Variants in INCENP observed in about 807,000 individuals in gnomAD.
INCENP encodes the protein binds and activates aurora-B and -C in vivo and in vitro.
INCENP carries 43 observed loss-of-function variants against 107.3 expected under a neutral mutation model. That is an observed-to-expected ratio of 0.40 (90% CI 0.31 to 0.52). The LOEUF (loss-of-function observed/expected upper bound fraction) is 0.52. INCENP is among the 20% of genes least tolerant of loss of function. INCENP has a pLI of 0.53. For missense variants in INCENP, 1,089 were observed against 1,250.9 expected, an observed-to-expected ratio of 0.87 and a Z score of 1.95; for synonymous variants, 488 against 494.4, an observed-to-expected ratio of 0.99 and a Z score of 0.17.
chr11:62,140,618 G>T, intron 8 of INCENP, 86 bp from the exon 9 acceptor site: 1 of 1,163,614 alleles, frequency 8.6e-7, no homozygotes, highest in South Asian at 1.3e-5. Context: ...GCCTGGGCCC[G>T]GTATTGTTCA....
intron 6 of INCENP, 55 bp from the exon 7 acceptor site, chr11:62,138,833 A>C: frequency 2.5e-6 from 4 of 1,605,346 alleles, no homozygotes; most frequent in Non-Finnish European, 3.4e-6. Flanking sequence ...CACTACGGCC[A>C]TCCTGGGCCT....
At chr11:62,144,105 G>C (rs1373893361) in intron 11 of INCENP, among the ~76,000 whole-genome samples, 4 of 152,210 alleles carry the variant, frequency 2.6e-5, no homozygotes, top group Non-Finnish European at 5.9e-5. Flanking sequence ...GCCAAGGCAG[G>C]CGGATCCCTT....
rs1944084753 is a variant in INCENP, at chr11:62,140,240, A to G, written c.1298A>G (p.Lys433Arg). Residue 433 changes from lysine (K) to arginine (R), a missense_variant, in exon 8 of 19, where the codon AAG becomes AGG. Coordinates refer to ENST00000394818, the MANE Select transcript of INCENP (RefSeq NM_001040694.2). ...ETPSAGQQEAKTDQADGPREP... is the reference protein window; with the variant it reads ...ETPSAGQQEARTDQADGPREP... The stretch of plus-strand genomic sequence containing the variant: ...GAAATTGCTGTCTTCACAGAGGCCA[A>G]GACGGACCAAGCAGATGGACCCAGA... 3.7e-6 allele frequency: 6 copies of G among 1,613,664 alleles called. No individual in the cohort carries two copies. The highest frequency in any genetic ancestry group is 5.1e-6 in the Non-Finnish European group (6 of 1,179,862).
intron 11 of INCENP, chr11:62,141,806 T>C: frequency 1.9e-6 from 1 of 528,894 alleles, no homozygotes; most frequent in Non-Finnish European, 3.4e-6. Flanking sequence ...CCACCTTCCC[T>C]CCCTCCTCCC....
intron 11 of INCENP, among the ~76,000 whole-genome samples, chr11:62,142,543 T>C (rs1289034295): frequency 6.6e-6 from 1 of 152,248 alleles, no homozygotes; most frequent in Non-Finnish European, 1.5e-5. Flanking sequence ...ACCAGGGGGC[T>C]ACGGAGTCAT....
chr11:62,151,745 T>C lies in INCENP; in HGVS notation c.2543-17T>C, dbSNP rs1421142908. 1 of 1,610,442 alleles carries C rather than the reference T, an allele frequency of 6.2e-7. No homozygotes were observed. Among genetic ancestry groups the C allele is most frequent in the South Asian group, 1.1e-5 (1 of 90,972 alleles). ...TGGAGAGCCCCAAGGCAGTGTCTGG[T>C]CTGTGGTCTCCTGCAGGCACCCCGC... On this transcript the variant is annotated splice_polypyrimidine_tract_variant and intron_variant, in intron 18 of 18. Transcript: ENST00000394818.
chr11:62,128,819 A>G lies in INCENP; in HGVS notation c.190A>G (p.Asn64Asp). The G allele has an allele frequency of 6.2e-7, 1 of 1,614,192 alleles. No homozygotes were observed. The highest frequency in any genetic ancestry group is 2.2e-5 in the East Asian group (1 of 44,884). ...GATGCCCAAAACACCTTCTCAGAAG[A>G]ACCGACGGAAGAAGAGACGGATTTC... ...ELMPKTPSQK[N>D]RRKKRRISYV... Residue 64 changes from asparagine (N) to aspartate (D), a missense_variant, in exon 3 of 19, where the codon AAC becomes GAC. Asn to Asp is a conservative substitution (Grantham distance 23, BLOSUM62 1). Coordinates refer to ENST00000394818, the MANE Select transcript of INCENP (RefSeq NM_001040694.2).
chr11:62,127,612 T>TA (rs556388778), intron 1 of INCENP, among the ~76,000 whole-genome samples: 1,560 of 152,328 alleles, frequency 0.01, 13 homozygotes, highest in Non-Finnish European at 0.015. Flanking sequence ...ACTGGCCTCT[T>TA]AAAGAGGCAG....
intron 4 of INCENP, among the ~76,000 whole-genome samples, chr11:62,135,576 G>A (rs1250939507): frequency 6.6e-6 from 1 of 151,584 alleles, no homozygotes; most frequent in Non-Finnish European, 1.5e-5. Flanking sequence ...ACTTTGAATG[G>A]ATCTTTTAGA....
rs781044719 is a variant in INCENP at position 62,145,181 on chromosome 11, A to G, written c.1728A>G (p.Glu576=). 2.5e-6 allele frequency: 4 copies of G among 1,614,096 alleles called. No homozygotes were observed. Among genetic ancestry groups the G allele is most frequent in the African/African-American group, 2.7e-5 (2 of 75,060 alleles). The change falls in exon 13 of 19, where the codon GAA becomes GAG. Residue 576 remains glutamate (E), a synonymous_variant. Coordinates refer to ENST00000394818, the MANE Select transcript of INCENP (RefSeq NM_001040694.2). ...CTATGCCCCGCAGGAAGCGTGAGGA[A>G]CGCCTCCGCAAGGTGCTGCAGGCCC... The part of the protein sequence containing the change: ...RLEEVKLKRE[E]RLRKVLQARE...
At chr11:62,144,023 A>C (rs1251893406) in intron 11 of INCENP, among the ~76,000 whole-genome samples, 1 of 152,186 alleles carries the variant, frequency 6.6e-6, no homozygotes, top group Non-Finnish European at 1.5e-5. Flanking sequence ...GTACTTTTTT[A>C]AAGTTGCCTT....
intron 17 of INCENP, among the ~76,000 whole-genome samples, chr11:62,149,430 T>C (rs555625229): frequency 2.5e-4 from 38 of 152,340 alleles, no homozygotes; most frequent in African/African-American, 8.7e-4. Flanking sequence ...AATGTTTTCA[T>C]TGCAGCATTG....
Position 62,146,747 on chromosome 11 carries a change from G to A in INCENP, c.2049G>A (p.Arg683=), listed in dbSNP as rs372290264. The A allele has an allele frequency of 6.5e-7, 1 of 1,549,586 alleles. No homozygotes were observed. The highest frequency in any genetic ancestry group is 8.7e-7 in the Non-Finnish European group (1 of 1,146,470). ...ERLRKAAEAK[R]LAEQREQERR... is the part of the protein sequence containing the mutation. ...TGCGGAAGGCGGCCGAGGCTAAGCG[G>A]CTGGCAGAGCAGCGGGAGCAGGAGC... Residue 683 remains arginine (R), a synonymous_variant, in exon 15 of 19, where the codon CGG becomes CGA. Transcript: ENST00000394818.
intron 4 of INCENP, among the ~76,000 whole-genome samples, chr11:62,136,570 A>G (rs1041699380): frequency 6.6e-6 from 1 of 152,138 alleles, no homozygotes; most frequent in Non-Finnish European, 1.5e-5. Context: ...AATTCCAGCT[A>G]CTTGGGAGGC....
Position 62,141,522 on chromosome 11 carries a change from C to G in INCENP, c.1605+11C>G. 1.2e-6 allele frequency: 2 copies of G among 1,614,042 alleles called. No homozygotes were observed. The highest frequency in any genetic ancestry group is 1.7e-6 in the Non-Finnish European group (2 of 1,179,868). ...CAGTGCAGCTTCGTCGTAAGTAAAG[C>G]CTTTTCCTGTCGGTAACCTCGCCCC... is the stretch of plus-strand genomic sequence containing the variant. On this transcript the variant is annotated intron_variant, in intron 11 of 18. Coordinates refer to ENST00000394818, the MANE Select transcript of INCENP (RefSeq NM_001040694.2).
At chr11:62,140,123 C>G in intron 7 of INCENP, 111 bp from the exon 8 acceptor site, 1 of 877,716 alleles carries the variant, frequency 1.1e-6, no homozygotes, top group Non-Finnish European at 1.9e-6. Context: ...AGGAAGGGAG[C>G]CTTGCCCACT....
chr11:62,146,530 C>G, intron 14 of INCENP, 128 bp from the exon 15 acceptor site: 1 of 1,375,952 alleles, frequency 7.3e-7, no homozygotes, highest in Non-Finnish European at 9.7e-7. Context: ...TGTCCCACGG[C>G]GCCATTCCTG....
chr11:62,145,802 C>A, intron 14 of INCENP, 51 bp downstream of exon 14: 1 of 1,529,978 alleles, frequency 6.5e-7, no homozygotes, highest in Non-Finnish European at 8.8e-7. Context: ...TGGGCGCTGT[C>A]TCAGCACCAT....
Position 62,130,257 on chromosome 11 carries a change from A to T in INCENP, c.730A>T (p.Lys244Ter). The change falls in exon 4 of 19, where the codon AAG (lysine) becomes TAG (stop). Residue 244 changes from lysine (K) to a stop codon, truncating the protein, a stop_gained. Coordinates refer to ENST00000394818, the MANE Select transcript of INCENP (RefSeq NM_001040694.2). LOFTEE classifies it high-confidence loss of function. ...SSLMATPQDPKGQGVGTGRSA... is the reference protein window; with the variant it reads ...SSLMATPQDP The stretch of plus-strand genomic sequence containing the variant: ...CCTGATGGCTACACCCCAGGACCCC[A>T]AGGGTCAAGGGGTCGGGACGGGGCG... The T allele has an allele frequency of 6.2e-7, 1 of 1,613,276 alleles. No homozygotes were observed. Among genetic ancestry groups the T allele is most frequent in the Non-Finnish European group, 8.5e-7 (1 of 1,179,934 alleles).
Sources: allele counts gnomAD v4.1 joint callset (sites outside exome capture counted in the v4.1 genomes callset), GRCh38; gene constraint gnomAD v4.1.1; transcripts MANE v1.5; gene names NCBI Gene and HGNC (gene_info 2026-07-23, HGNC 2026-07-21).